Variants in UGGT2 observed in about 807,000 individuals in gnomAD.
The protein encoded by UGGT2 is UDP-glucose:glycoprotein glucosyltransferase 2.
A neutral mutation model predicts 192.1 loss-of-function variants in UGGT2; 180 were observed. The ratio of observed to expected loss-of-function variants is 0.94; its 90% CI spans 0.83 to 1.06. UGGT2 has a LOEUF of 1.06. Ranked by LOEUF, UGGT2 falls within the 50% of genes least tolerant of loss-of-function variation. The pLI, the probability that UGGT2 is intolerant of heterozygous loss-of-function variation, is 0.00. For missense variants in UGGT2, 1,849 were observed against 1,795.7 expected (o/e 1.03, Z -0.54); for synonymous variants, 580 against 591.0 (o/e 0.98, Z 0.27).
chr13:96,023,786 A>C (rs747004668), intron 2 of UGGT2, 27 bp from the exon 3 acceptor site: 12 of 1,561,398 alleles, frequency 7.7e-6, no homozygotes, highest in African/African-American at 1.4e-5. Context: ...AAAGAAAATA[A>C]ATGTTAGCAT....
intron 20 of UGGT2, among the ~76,000 whole-genome samples, chr13:95,903,878 G>A (rs2048188163): frequency 6.6e-6 from 1 of 152,110 alleles, no homozygotes; most frequent in Non-Finnish European, 1.5e-5. Context: ...ACTTTGTATT[G>A]TCAGATTTTA....
intron 4 of UGGT2, among the ~76,000 whole-genome samples, chr13:96,015,288 AAAAAG>A (rs1265178437): frequency 6.6e-6 from 1 of 151,910 alleles, no homozygotes; most frequent in African/African-American, 2.4e-5. Flanking sequence ...AAAAAAAAAA[AAAAAG>A]AAAGAAAACT....
Position 96,047,714 on chromosome 13 carries a change from C to T in UGGT2, c.158+5441G>A, listed in dbSNP as rs186624164. ...GTCTCTGATAAAACAGACTTTAAACCAACAAAGATCAGAAGAGACAAAGAA... is the reference window on the plus strand; with the variant it reads ...GTCTCTGATAAAACAGACTTTAAACTAACAAAGATCAGAAGAGACAAAGAA... On this transcript the variant is annotated intron_variant, in intron 1 of 38. Transcript: ENST00000376747. Among the ~76,000 whole-genome samples, 410 of 152,114 alleles carry T rather than the reference C, an allele frequency of 2.7e-3. 1 individual carries two copies. The highest frequency in any genetic ancestry group is 8.4e-3 in the African/African-American group (350 of 41,514).
intron 1 of UGGT2, among the ~76,000 whole-genome samples, chr13:96,040,774 C>T (rs769347367): frequency 5.9e-5 from 9 of 152,098 alleles, no homozygotes; most frequent in African/African-American, 1.9e-4. Context: ...AATCAGACTG[C>T]GGCTAGACTG....
intron 38 of UGGT2, among the ~76,000 whole-genome samples, chr13:95,807,709 C>T (rs979167371): frequency 6.3e-5 from 4 of 63,526 alleles, no homozygotes; most frequent in African/African-American, 2.4e-4. Flanking sequence ...AAACCCTCAG[C>T]CCTCACCTTT....
At chr13:95,939,404 G>A (rs922677662) in intron 16 of UGGT2, among the ~76,000 whole-genome samples, 11 of 151,064 alleles carry the variant, frequency 7.3e-5, no homozygotes, top group African/African-American at 2.7e-4. Context: ...TCTAATGAAG[G>A]CTCCTATACA....
chr13:95,872,349 TA>T (rs1216490267), intron 29 of UGGT2, among the ~76,000 whole-genome samples: 6 of 152,230 alleles, frequency 3.9e-5, no homozygotes, highest in African/African-American at 1.4e-4. Flanking sequence ...AGCCAAATTT[TA>T]AAAAATCAAA....
At chr13:95,967,315 G>A (rs1418019395) in intron 12 of UGGT2, among the ~76,000 whole-genome samples, 2 of 151,632 alleles carry the variant, frequency 1.3e-5, no homozygotes, top group South Asian at 2.1e-4. Context: ...ACCACACCCA[G>A]CTAATTTTTG....
At chr13:95,849,716 T>C (rs1225236843) in intron 36 of UGGT2, among the ~76,000 whole-genome samples, 1 of 151,824 alleles carries the variant, frequency 6.6e-6, no homozygotes, top group Non-Finnish European at 1.5e-5. Flanking sequence ...GGGGTACATG[T>C]ACAAGTTTGC....
At chr13:95,802,821 G>A (rs372594089) in intron 38 of UGGT2, among the ~76,000 whole-genome samples, 32 of 151,412 alleles carry the variant, frequency 2.1e-4, no homozygotes, top group African/African-American at 7.0e-4. Flanking sequence ...TTTTTTGTTT[G>A]TTTGTTTGTT....
chr13:95,927,396 G>A, intron 17 of UGGT2, 60 bp from the exon 18 acceptor site: 1 of 1,391,900 alleles, frequency 7.2e-7, no homozygotes, highest in Non-Finnish European at 9.7e-7. Flanking sequence ...GTTTCAAAAA[G>A]TATGCAGATA....
Position 95,949,434 on chromosome 13 carries a change from A to G in UGGT2, c.1356T>C (p.Asn452=). The G allele has an allele frequency of 6.5e-7, 1 of 1,539,880 alleles. No individual in the cohort carries two copies. ...SSIMWINDLE[N]DDLYITWPTS... ...TAGGCCATGTAATATACAAATCATC[A>G]TTTTCTAAGTCATTAATCCACTAGA... Residue 452 remains asparagine (N), a synonymous_variant, in exon 13 of 39, where the codon AAT becomes AAC. Transcript: ENST00000376747.
intron 38 of UGGT2, among the ~76,000 whole-genome samples, chr13:95,819,783 G>C (rs12430152): frequency 0.18 from 27,784 of 152,130 alleles, 3,302 homozygotes; most frequent in African/African-American, 0.33. Flanking sequence ...TTAGGTCAAA[G>C]GGGTAGAATC....
intron 7 of UGGT2, chr13:95,995,289 T>C (rs1024186385): frequency 3.9e-5 from 6 of 152,080 alleles, no homozygotes; most frequent in Admixed American, 6.5e-5. Flanking sequence ...CTTGCAATAA[T>C]AGACTGCCAA....
rs969726812 is a variant in UGGT2 at position 96,051,815 on chromosome 13, A to T, written c.158+1340T>A. Among the ~76,000 whole-genome samples the T allele has an allele frequency of 1.4e-3, 218 of 152,330 alleles. 1 individual carries two copies. The highest frequency in any genetic ancestry group is 5.1e-3 in the African/African-American group (213 of 41,582). ...CTGCAAGAATGGCCATAATAAAAAA[A>T]TAAAAATAAATAATAGATGTTGGCG... is the stretch of plus-strand genomic sequence containing the variant. On this transcript the variant is annotated intron_variant, in intron 1 of 38. Transcript: ENST00000376747.
chr13:95,877,537 A>C, intron 28 of UGGT2, 161 bp downstream of exon 28: 1 of 1,043,812 alleles, frequency 9.6e-7, no homozygotes, highest in South Asian at 2.0e-5. Flanking sequence ...TTATTAAAGT[A>C]TGATTTTCCC....
At chr13:95,989,198 T>C (rs1022566456) in intron 8 of UGGT2, among the ~76,000 whole-genome samples, 2 of 152,122 alleles carry the variant, frequency 1.3e-5, no homozygotes, top group Non-Finnish European at 2.9e-5. Flanking sequence ...AATTGAATAG[T>C]ATGTGAACGT....
chr13:95,806,050 A>C (rs982478258), intron 38 of UGGT2, among the ~76,000 whole-genome samples: 2 of 151,542 alleles, frequency 1.3e-5, no homozygotes, highest in East Asian at 1.9e-4. Flanking sequence ...AAAAAAAAAA[A>C]AACACACAGT....
intron 8 of UGGT2, among the ~76,000 whole-genome samples, chr13:95,988,028 GAC>G: frequency 6.6e-6 from 1 of 151,960 alleles, no homozygotes; most frequent in East Asian, 1.9e-4. Context: ...ATACACAGAG[GAC>G]AGTCCCTCGG....
Sources: gnomAD v4.1 joint callset for allele counts (sites outside exome capture counted in the v4.1 genomes callset) on GRCh38, gnomAD v4.1.1 for gene constraint, MANE v1.5 for transcripts, NCBI Gene and HGNC (gene_info 2026-07-23, HGNC 2026-07-21) for gene names.